The following ZC3H15 variants were observed in gnomAD, a reference collection of about 807,000 sequenced individuals.
ZC3H15 encodes the protein zinc finger CCCH-type containing 15.
In ZC3H15, 15 loss-of-function variants were observed where a neutral mutation model predicts 51.2. That is an observed-to-expected ratio of 0.29 (90% CI 0.20 to 0.45). ZC3H15 has a LOEUF of 0.45. Among genes scored for constraint, ZC3H15 ranks in the 20% least tolerant of loss-of-function variants. ZC3H15 has a pLI of 1.00. For synonymous variants in ZC3H15, 144 were observed against 162.8 expected (o/e 0.88, Z 0.88); for missense variants, 381 against 494.7 (o/e 0.77, Z 2.18).
intron 1 of ZC3H15, among the ~76,000 whole-genome samples, chr2:186,494,063 T>C (rs759046423): frequency 6.6e-5 from 10 of 151,478 alleles, no homozygotes; most frequent in Non-Finnish European, 4.4e-5. Context: ...TTGTACTGCA[T>C]ACTTATTTTT....
At chr2:186,500,545 T>A (rs896822943) in intron 3 of ZC3H15, 1 of 604,218 alleles carries the variant, frequency 1.7e-6, no homozygotes, top group Non-Finnish European at 3.1e-6. Flanking sequence ...AATAGACTGC[T>A]AATTGATTTA....
At chr2:186,502,474 T>C (rs1266036081) in intron 4 of ZC3H15, 22 bp from the exon 5 acceptor site, 1 of 1,580,282 alleles carries the variant, frequency 6.3e-7, no homozygotes, top group South Asian at 1.1e-5. Flanking sequence ...TTACAGTATT[T>C]AATCTTCATT....
At chr2:186,497,877 T>C (rs890122556) in intron 2 of ZC3H15, among the ~76,000 whole-genome samples, 2 of 152,158 alleles carry the variant, frequency 1.3e-5, no homozygotes, top group African/African-American at 4.8e-5. Context: ...TACCTACCCA[T>C]CATATATAAC....
At chr2:186,490,804 G>T (rs753829807) in intron 1 of ZC3H15, among the ~76,000 whole-genome samples, 28 of 152,154 alleles carry the variant, frequency 1.8e-4, no homozygotes, top group Middle Eastern at 3.2e-3. Flanking sequence ...AAGGCTCTTG[G>T]AGCCTCAGGA....
chr2:186,508,773 C>A lies in ZC3H15; in HGVS notation c.*40C>A, dbSNP rs747771603. On this transcript the variant is annotated 3_prime_UTR_variant, in exon 10 of 10. Coordinates refer to ENST00000337859, the MANE Select transcript of ZC3H15 (RefSeq NM_018471.3). Reference sequence around the variant, plus strand: ...CTGAAAAAATTAAGTCAGCTCAGCACGAGTTGAAATTGACTACATTAATTT... The same window carrying A: ...CTGAAAAAATTAAGTCAGCTCAGCAAGAGTTGAAATTGACTACATTAATTT... The A allele has an allele frequency of 6.3e-7, 1 of 1,586,348 alleles. No homozygotes were observed. The highest frequency in any genetic ancestry group is 1.1e-5 in the South Asian group (1 of 89,866).
At chr2:186,505,395 T>C (rs1202969136) in intron 6 of ZC3H15, 56 bp from the exon 7 acceptor site, 1 of 1,497,908 alleles carries the variant, frequency 6.7e-7, no homozygotes, top group African/African-American at 1.4e-5. Context: ...TAACTGCAAC[T>C]AAGCACTATT....
chr2:186,497,182 T>G, intron 2 of ZC3H15: 1 of 421,160 alleles, frequency 2.4e-6, no homozygotes. Context: ...TGGAAACACA[T>G]TTTTGTAATG....
chr2:186,509,051 A>G lies in ZC3H15; in HGVS notation c.*318A>G, dbSNP rs778826154. On this transcript the variant is annotated 3_prime_UTR_variant, in exon 10 of 10. Transcript: ENST00000337859. ...TTTGGTTTTCATTTGGGCATGTGCT[A>G]TTACCAGAAACAACAAACTTATATT... 13 of 490,036 alleles carry G rather than the reference A, an allele frequency of 2.7e-5. No individual in the cohort carries two copies. Among genetic ancestry groups the G allele is most frequent in the Non-Finnish European group, 5.2e-5 (13 of 249,748 alleles). 30.4% of individuals were successfully genotyped at this position (490,036 alleles called of 1,614,324 possible). A position where few individuals can be genotyped will look rare whatever the true frequency, so the allele number is the denominator to read the frequency against.
rs199634188 is a variant in ZC3H15, at chr2:186,508,673, C to T, written c.1221C>T (p.Phe407=). 2 of 1,614,052 alleles carry T rather than the reference C, an allele frequency of 1.2e-6. No homozygotes were observed. Among genetic ancestry groups the T allele is most frequent in the East Asian group, 2.2e-5 (1 of 44,864 alleles). Residue 407 remains phenylalanine, a synonymous_variant, in exon 10 of 10, where the codon TTC becomes TTT. Transcript: ENST00000337859. ...IDAVPVDENL[F]TGEDLDELEE... ...CTGTTCCTGTTGATGAAAATCTTTTCACTGGAGAGGATTTGGATGAACTAG... is the reference window on the plus strand; with the variant it reads ...CTGTTCCTGTTGATGAAAATCTTTTTACTGGAGAGGATTTGGATGAACTAG...
intron 1 of ZC3H15, among the ~76,000 whole-genome samples, chr2:186,493,927 A>G (rs953711965): frequency 2.7e-5 from 4 of 150,046 alleles, no homozygotes; most frequent in African/African-American, 9.9e-5. Flanking sequence ...ACGTCCAAAT[A>G]AAGTCAAATT....
At chr2:186,505,259 A>T (rs1191407191) in intron 6 of ZC3H15, 192 bp from the exon 7 acceptor site, 2 of 396,162 alleles carry the variant, frequency 5.0e-6, no homozygotes, top group Non-Finnish European at 8.4e-6. Context: ...ATATATTTTT[A>T]GTGTTTGTAT....
intron 1 of ZC3H15, chr2:186,488,600 A>G (rs971903531): frequency 2.6e-5 from 4 of 152,236 alleles, no homozygotes; most frequent in Non-Finnish European, 4.4e-5. Context: ...GAACCAAAAG[A>G]CGTTATAATT....
chr2:186,509,302 T>C lies in ZC3H15; in HGVS notation c.*569T>C, dbSNP rs1574429295. On this transcript the variant is annotated 3_prime_UTR_variant, in exon 10 of 10. Transcript: ENST00000337859. Reference sequence around the variant, plus strand: ...CCCTGTGTTAAATTGTTTAAAAGTTTCCCTTTTCTTTTTTGCCAATAAAGT... The same window carrying C: ...CCCTGTGTTAAATTGTTTAAAAGTTCCCCTTTTCTTTTTTGCCAATAAAGT... 6.4e-6 allele frequency: 1 copy of C among 155,114 alleles called. No individual in the cohort carries two copies. Among genetic ancestry groups the C allele is most frequent in the East Asian group, 1.9e-4 (1 of 5,274 alleles). The allele number at this position is 155,114 out of a possible 1,614,324, so 9.6% of individuals were successfully genotyped here. A position where few individuals can be genotyped will look rare whatever the true frequency, so the allele number is the denominator to read the frequency against.
At chr2:186,486,670 C>G (rs1042221063) in intron 1 of ZC3H15, among the ~76,000 whole-genome samples, 1 of 152,232 alleles carries the variant, frequency 6.6e-6, no homozygotes, top group Non-Finnish European at 1.5e-5. Flanking sequence ...GGCTTTGCCT[C>G]TCCGCCCACA....
chr2:186,507,331 T>C (rs1031683855), intron 9 of ZC3H15: 6 of 452,540 alleles, frequency 1.3e-5, no homozygotes, highest in Non-Finnish European at 2.2e-5. Context: ...GCCAGTTTCA[T>C]TGAGACTGCA....
chr2:186,488,540 A>G (rs1685143065), intron 1 of ZC3H15: 1 of 152,194 alleles, frequency 6.6e-6, no homozygotes, highest in South Asian at 2.1e-4. Flanking sequence ...TTGTATGGGA[A>G]CCATTACAAT....
intron 2 of ZC3H15, 44 bp downstream of exon 2, chr2:186,495,378 A>C (rs761744979): frequency 9.3e-7 from 1 of 1,071,978 alleles, no homozygotes; most frequent in Non-Finnish European, 1.3e-6. Flanking sequence ...ATGTAATATT[A>C]ATATAGCCTC....
intron 6 of ZC3H15, 134 bp downstream of exon 6, chr2:186,504,348 T>A (rs1388418712): frequency 4.3e-6 from 3 of 702,768 alleles, no homozygotes; most frequent in Non-Finnish European, 6.3e-6. Context: ...AAAGTTGCCC[T>A]ACTTTAATTA....
At chr2:186,505,935 C>A in intron 8 of ZC3H15, 94 bp downstream of exon 8, 1 of 1,330,246 alleles carries the variant, frequency 7.5e-7, no homozygotes, top group Non-Finnish European at 1.1e-6. Flanking sequence ...ACATCAGAGC[C>A]ACAGTGCCTG....
Sources: gnomAD v4.1 joint callset for allele counts (sites outside exome capture counted in the v4.1 genomes callset) on GRCh38, gnomAD v4.1.1 for gene constraint, MANE v1.5 for transcripts, NCBI Gene and HGNC (gene_info 2026-07-23, HGNC 2026-07-21) for gene names.